MCM3: variants seen among roughly 807,000 people sequenced by gnomAD.
MCM3 encodes the protein minichromosome maintenance complex component 3.
In MCM3, 59 loss-of-function variants were observed where a neutral mutation model predicts 91.3. That is an observed-to-expected ratio of 0.65 (90% CI 0.52 to 0.80). The LOEUF (loss-of-function observed/expected upper bound fraction) is 0.80, where lower values mean the gene tolerates loss of function less well. Ranked by LOEUF, MCM3 falls within the 30% of genes least tolerant of loss-of-function variation. The pLI, the probability that MCM3 is intolerant of heterozygous loss-of-function variation, is 0.00. For synonymous variants in MCM3, 383 were observed against 379.6 expected (o/e 1.01, Z -0.10); for missense variants, 919 against 1,035.4 (o/e 0.89, Z 1.54).
intron 4 of MCM3, among the ~76,000 whole-genome samples, chr6:52,280,484 G>A (rs765653050): frequency 5.3e-5 from 8 of 152,174 alleles, no homozygotes; most frequent in Non-Finnish European, 8.8e-5. Context: ...CATGCACAAG[G>A]AAACCAGGAG....
rs1581698144 is a variant in MCM3, at chr6:52,264,570, T to C, written c.*18A>G. On this transcript the variant is annotated 3_prime_UTR_variant, in exon 17 of 17. Coordinates refer to ENST00000596288, the MANE Select transcript of MCM3 (RefSeq NM_002388.6). ...ACAAACTCTCTCGGCACAACCCAAG[T>C]TCAGAGACGAGGCCTCCTCAGATGA... is the stretch of plus-strand genomic sequence containing the variant. The C allele has an allele frequency of 1.2e-6, 2 of 1,613,842 alleles. No individual in the cohort carries two copies. The highest frequency in any genetic ancestry group is 2.2e-5 in the East Asian group (1 of 44,884).
In MCM3 at chr6:52,283,145, A is replaced by G. The variant is rs866927223; in HGVS notation, c.191+149T>C. 755 of 620,872 alleles carry G rather than the reference A, an allele frequency of 1.2e-3. 6 individuals are homozygous for G. In the African/African-American group the frequency reaches 0.012, roughly 10 times the overall value. The allele number at this position is 620,872 out of a possible 1,614,324, so 38.5% of individuals were successfully genotyped here. ...GCCAACCACCCACTTTTTGAAAAAA[A>G]AAAAAAAAAAAATAGGTGCAGGTGA... On this transcript the variant is annotated intron_variant, in intron 2 of 16. Coordinates refer to ENST00000596288, the MANE Select transcript of MCM3 (RefSeq NM_002388.6).
chr6:52,280,175 G>A (rs1263022089), intron 4 of MCM3, among the ~76,000 whole-genome samples: 1 of 152,168 alleles, frequency 6.6e-6, no homozygotes. Flanking sequence ...TTAGACATCA[G>A]GATAGTGGTT....
At chr6:52,277,418 T>G (rs189315026) in intron 7 of MCM3, 117 bp downstream of exon 7, 1 of 1,203,624 alleles carries the variant, frequency 8.3e-7, no homozygotes, top group Non-Finnish European at 1.2e-6. Context: ...TTTTAGCCTT[T>G]TGTCCTTTGA....
chr6:52,267,652 C>G (rs1219771158), intron 14 of MCM3, among the ~76,000 whole-genome samples: 1 of 151,830 alleles, frequency 6.6e-6, no homozygotes, highest in African/African-American at 2.4e-5. Context: ...CCCAGCCTAC[C>G]GAGCAGCTGG....
intron 4 of MCM3, among the ~76,000 whole-genome samples, chr6:52,281,013 C>T (rs1766044754): frequency 6.6e-6 from 1 of 152,174 alleles, no homozygotes; most frequent in Non-Finnish European, 1.5e-5. Context: ...TCCATAGCGC[C>T]TAATAGTGCT....
At chr6:52,276,247 T>C (rs1765547595) in intron 9 of MCM3, 21 bp downstream of exon 9, 1 of 1,596,770 alleles carries the variant, frequency 6.3e-7, no homozygotes, top group Non-Finnish European at 8.5e-7. Context: ...AGGACAATGG[T>C]TGGGGCCTGA....
rs530821275 is a variant in MCM3 at position 52,281,957 on chromosome 6, G to A, written c.531+88C>T. 2.4e-4 allele frequency: 327 copies of A among 1,359,298 alleles called. 5 individuals are homozygous for A. The South Asian group carries it at 4.4e-3, about 18-fold the overall frequency. The allele number at this position is 1,359,298 out of a possible 1,614,324, so 84.2% of individuals were successfully genotyped here. ...TATTTTTCACCCTTTACAGAAAAAA[G>A]ACTTCAGATATTACACAATTCCTTG... On this transcript the variant is annotated intron_variant, in intron 4 of 16. Transcript: ENST00000596288.
chr6:52,275,059 C>T lies in MCM3; in HGVS notation c.1375-1143G>A, dbSNP rs17246394. The stretch of plus-strand genomic sequence containing the variant: ...GATTACAGGCATGAGACACTGCGCC[C>T]AGCCCTATCATTAATTTTAAAAGCT... On this transcript the variant is annotated intron_variant, in intron 9 of 16. Transcript: ENST00000596288. 1.1e-3 allele frequency among the ~76,000 whole-genome samples: 174 copies of T among 152,294 alleles called. 1 individual carries two copies. The highest frequency in any genetic ancestry group is 4.0e-3 in the African/African-American group (165 of 41,554).
chr6:52,264,692 C>G lies in MCM3; in HGVS notation c.2323G>C (p.Asp775His). The change falls in exon 17 of 17, where the codon GAC (aspartate) becomes CAC (histidine). Residue 775 changes from aspartate to histidine, a missense_variant. By Grantham distance (81) the Asp-to-His change is moderately conservative. Around this residue, in one of 3 missense-constraint regions of MCM3, gnomAD observed 285 missense variants for 311.4 expected, o/e 0.92. Coordinates refer to ENST00000596288, the MANE Select transcript of MCM3 (RefSeq NM_002388.6). ...ACTGAAGAGAAGGGCTCTTCGCTGT[C>G]CCGGTTGATGGATTCTGTGAGGCGA... ...MNRLTESINR[D>H]SEEPFSSVEI... is the part of the protein sequence containing the mutation. 1 of 1,614,168 alleles carries G rather than the reference C, an allele frequency of 6.2e-7. No individual in the cohort carries two copies. Among genetic ancestry groups the G allele is most frequent in the Non-Finnish European group, 8.5e-7 (1 of 1,180,022 alleles).
chr6:52,273,927 C>T lies in MCM3; in HGVS notation c.1375-11G>A, dbSNP rs1385032825. On this transcript the variant is annotated splice_polypyrimidine_tract_variant and intron_variant, in intron 9 of 16. Transcript: ENST00000596288. ...CTTATACTGGTCATACTGGGGAATG[C>T]GAGGACAACAGAAGTGGACATGACA... 3.8e-6 allele frequency: 6 copies of T among 1,596,288 alleles called. No individual in the cohort carries two copies. Among genetic ancestry groups the T allele is most frequent in the Non-Finnish European group, 5.1e-6 (6 of 1,168,960 alleles).
intron 4 of MCM3, 72 bp downstream of exon 4, chr6:52,281,973 C>A: frequency 3.3e-6 from 5 of 1,504,108 alleles, no homozygotes; most frequent in South Asian, 1.3e-5. Flanking sequence ...AGATATTACA[C>A]AATTCCTTGC....
In MCM3 at chr6:52,273,186, A is replaced by G. The variant is rs753444643; in HGVS notation, c.1676+44T>C. 6.8e-6 allele frequency: 11 copies of G among 1,612,490 alleles called. No individual in the cohort carries two copies. In the Admixed American group the frequency reaches 1.7e-4, roughly 24 times the overall value. On this transcript the variant is annotated intron_variant, in intron 11 of 16. Transcript: ENST00000596288. Reference sequence around the variant, plus strand: ...AGATATACACATGCTCTAATATAACACATATTTCAGGTTCCCTTGAGGAAG... The same window carrying G: ...AGATATACACATGCTCTAATATAACGCATATTTCAGGTTCCCTTGAGGAAG...
At chr6:52,276,627 G>C (rs1765591954) in intron 8 of MCM3, 151 bp from the exon 9 acceptor site, 1 of 659,062 alleles carries the variant, frequency 1.5e-6, no homozygotes, top group Non-Finnish European at 2.6e-6. Context: ...AGGAAACCCT[G>C]GTGGGTCACC....
chr6:52,276,198 C>A, intron 9 of MCM3, 70 bp downstream of exon 9: 1 of 1,416,234 alleles, frequency 7.1e-7, no homozygotes, highest in Non-Finnish European at 9.7e-7. Flanking sequence ...CTAGAATACA[C>A]TTCTCAGCCC....
chr6:52,266,428 A>G (rs1764646721), intron 15 of MCM3, among the ~76,000 whole-genome samples, 183 bp downstream of exon 15: 1 of 152,182 alleles, frequency 6.6e-6, no homozygotes, highest in African/African-American at 2.4e-5. Context: ...AGGTGTATAT[A>G]ATATAGCAAA....
At chr6:52,266,052 G>A in intron 16 of MCM3, 23 bp downstream of exon 16, 1 of 1,608,060 alleles carries the variant, frequency 6.2e-7, no homozygotes, top group Non-Finnish European at 8.5e-7. Context: ...TCTTGAAGGG[G>A]CAGGAGCAAC....
At chr6:52,274,919 A>T (rs1400597491) in intron 9 of MCM3, among the ~76,000 whole-genome samples, 1 of 152,028 alleles carries the variant, frequency 6.6e-6, no homozygotes, top group Non-Finnish European at 1.5e-5. Flanking sequence ...AACATACATT[A>T]TCATTTATTT....
In MCM3 at chr6:52,279,547, T is replaced by G. The variant is rs1333836916; in HGVS notation, c.584A>C (p.Asp195Ala). The G allele has an allele frequency of 3.1e-6, 5 of 1,614,046 alleles. No individual in the cohort carries two copies. Among genetic ancestry groups the G allele is most frequent in the African/African-American group, 1.3e-5 (1 of 74,928 alleles). The change falls in exon 5 of 17, where the codon GAT (aspartate) becomes GCT (alanine). Residue 195 changes from aspartate (D) to alanine (A), a missense_variant. Transcript: ENST00000596288. ...ETEYGLSVYKDHQTITIQEMP... is the reference protein window; with the variant it reads ...ETEYGLSVYKAHQTITIQEMP... Reference sequence around the variant, plus strand: ...CTCCTGGATGGTGATGGTCTGGTGATCCTTGTAGACAGAAAGGCCATATTC... The same window carrying G: ...CTCCTGGATGGTGATGGTCTGGTGAGCCTTGTAGACAGAAAGGCCATATTC...
Sources: allele counts gnomAD v4.1 joint callset (sites outside exome capture counted in the v4.1 genomes callset), GRCh38; gene constraint gnomAD v4.1.1; regional missense constraint gnomAD v4.1.1; transcripts MANE v1.5; gene names NCBI Gene and HGNC (gene_info 2026-07-23, HGNC 2026-07-21).